Variants in BMPR1B observed in about 807,000 individuals in gnomAD.
BMPR1B encodes the protein bone morphogenetic protein receptor type 1B, also known as bone morphogenetic protein receptor type-1B.
A neutral mutation model predicts 59.1 loss-of-function variants in BMPR1B; 12 were observed. The ratio of observed to expected loss-of-function variants is 0.20; its 90% confidence interval spans 0.13 to 0.33. The LOEUF (loss-of-function observed/expected upper bound fraction) is 0.33, where lower values mean the gene tolerates loss of function less well. Ranked by LOEUF, BMPR1B falls within the 10% of genes least tolerant of loss-of-function variation. The pLI is 1.00. For synonymous variants in BMPR1B, 237 were observed against 207.3 expected, an observed-to-expected ratio of 1.14 and a Z score of -1.23; for missense variants, 550 against 610.9, an observed-to-expected ratio of 0.90 and a Z score of 1.05.
rs1560602784 is a variant in BMPR1B at position 95,026,097 on chromosome 4, C to CCTTTCTTTCTTTCTTT, written c.-18+29963_-18+29964insCTTTCTTTCTTTCTTT. ...CTTGGCTGGCTGGATTGCTTTCTTT[C>CCTTTCTTTCTTTCTTT]ATTTCTTTCTTTCTTTCTTTCTTTC... On this transcript the variant is annotated intron_variant, in intron 3 of 12. Coordinates refer to ENST00000515059, the MANE Select transcript of BMPR1B (RefSeq NM_001203.3). Among the ~76,000 whole-genome samples the CCTTTCTTTCTTTCTTT allele has an allele frequency of 3.2e-3, 77 of 23,912 alleles. 1 individual carries two copies. The East Asian group carries it at 0.067, about 21-fold the overall frequency. The allele number at this position is 23,912 out of a possible 152,430, so 15.7% of individuals were successfully genotyped here.
chr4:95,018,734 C>T (rs1431743276), intron 3 of BMPR1B, among the ~76,000 whole-genome samples: 1 of 152,066 alleles, frequency 6.6e-6, no homozygotes, highest in African/African-American at 2.4e-5. Context: ...TCAAAACTGA[C>T]AAACAAACCA....
chr4:95,127,268 T>G (rs1579123336), intron 8 of BMPR1B, among the ~76,000 whole-genome samples: 2 of 152,162 alleles, frequency 1.3e-5, no homozygotes, highest in South Asian at 4.2e-4. Context: ...AATTAAAGTT[T>G]AGGTACAGAA....
In BMPR1B at chr4:95,037,581, A is replaced by G. The variant is rs374381963; in HGVS notation, c.-18+41447A>G. 5.3e-5 allele frequency among the ~76,000 whole-genome samples: 8 copies of G among 152,306 alleles called. No individual in the cohort carries two copies. The East Asian group carries it at 1.4e-3, about 26-fold the overall frequency. ...CTTTTAAATGAGTGAGGCTCTCAAG[A>G]AGGGAAGTACTCTTAAGAAAGGAAG... On this transcript the variant is annotated intron_variant, in intron 3 of 12. Transcript: ENST00000515059.
intron 3 of BMPR1B, among the ~76,000 whole-genome samples, chr4:95,063,193 T>A (rs1412314966): frequency 1.3e-5 from 2 of 152,158 alleles, no homozygotes; most frequent in African/African-American, 2.4e-5. Flanking sequence ...CAATAGCTAT[T>A]AATAAACTAA....
At chr4:95,064,901 G>A (rs1242833014) in intron 3 of BMPR1B, among the ~76,000 whole-genome samples, 1 of 152,064 alleles carries the variant, frequency 6.6e-6, no homozygotes. Flanking sequence ...TGGAGAAATT[G>A]GAATCCTCAT....
At chr4:94,965,718 A>G in intron 2 of BMPR1B, among the ~76,000 whole-genome samples, 1 of 152,198 alleles carries the variant, frequency 6.6e-6, no homozygotes, top group African/African-American at 2.4e-5. Flanking sequence ...TTCCTGGTGA[A>G]TGTGTTTCAA....
chr4:94,953,059 T>C (rs1019099493), intron 2 of BMPR1B, among the ~76,000 whole-genome samples: 2 of 152,222 alleles, frequency 1.3e-5, no homozygotes, highest in Admixed American at 6.5e-5. Flanking sequence ...AAAGTCTGTT[T>C]TATCAGAGAC....
chr4:95,084,584 A>G (rs372316205), intron 3 of BMPR1B, among the ~76,000 whole-genome samples: 4 of 152,110 alleles, frequency 2.6e-5, no homozygotes, highest in Admixed American at 2.0e-4. Context: ...AGTAGCCACT[A>G]CTTTGTGTGC....
chr4:94,953,769 G>A (rs1463493284), intron 2 of BMPR1B, among the ~76,000 whole-genome samples: 1 of 152,110 alleles, frequency 6.6e-6, no homozygotes, highest in Non-Finnish European at 1.5e-5. Context: ...TCTCTGTGGT[G>A]TTCTCTGTAT....
At chr4:94,799,395 C>T (rs566748487) in intron 1 of BMPR1B, among the ~76,000 whole-genome samples, 1 of 151,506 alleles carries the variant, frequency 6.6e-6, no homozygotes, top group Admixed American at 6.6e-5. Context: ...CCTCCGCCTC[C>T]CGGGTTCAAG....
At chr4:95,055,462 C>A (rs1317575135) in intron 3 of BMPR1B, among the ~76,000 whole-genome samples, 1 of 152,096 alleles carries the variant, frequency 6.6e-6, no homozygotes, top group Non-Finnish European at 1.5e-5. Flanking sequence ...TACTGAAAAT[C>A]TGAACTGTTA....
At chr4:94,759,463 G>A (rs1053523731) in intron 1 of BMPR1B, among the ~76,000 whole-genome samples, 36 of 152,338 alleles carry the variant, frequency 2.4e-4, no homozygotes, top group African/African-American at 8.4e-4. Context: ...GAAATCTCTT[G>A]CTGTGCTAAA....
At chr4:94,845,957 G>A (rs1260510067) in intron 1 of BMPR1B, among the ~76,000 whole-genome samples, 1 of 152,136 alleles carries the variant, frequency 6.6e-6, no homozygotes, top group African/African-American at 2.4e-5. Context: ...ACCTCATCAA[G>A]TATATTAAAA....
intron 2 of BMPR1B, among the ~76,000 whole-genome samples, chr4:94,876,354 C>A (rs72887869): frequency 0.027 from 4,103 of 152,208 alleles, 181 homozygotes; most frequent in African/African-American, 0.093. Flanking sequence ...TTTTAGAGGG[C>A]AAATGTGAAA....
intron 1 of BMPR1B, among the ~76,000 whole-genome samples, chr4:94,778,352 G>C (rs1722462210): frequency 6.6e-6 from 1 of 152,092 alleles, no homozygotes; most frequent in South Asian, 2.1e-4. Flanking sequence ...GTAGTGTCCT[G>C]TGTTTTACTT....
intron 2 of BMPR1B, among the ~76,000 whole-genome samples, chr4:94,959,181 A>AT (rs1738014531): frequency 6.6e-6 from 1 of 152,088 alleles, no homozygotes; most frequent in Non-Finnish European, 1.5e-5. Context: ...GAATTTTGGG[A>AT]TTTTTAGTCT....
chr4:94,954,579 G>A (rs116780201), intron 2 of BMPR1B, among the ~76,000 whole-genome samples: 4,427 of 152,290 alleles, frequency 0.029, 206 homozygotes, highest in African/African-American at 0.1. Context: ...GACTAGTTAA[G>A]CATAATGATA....
intron 2 of BMPR1B, among the ~76,000 whole-genome samples, chr4:94,962,080 C>T (rs1208526717): frequency 7.9e-5 from 6 of 76,326 alleles, no homozygotes; most frequent in East Asian, 2.3e-4. Flanking sequence ...TCTTTCCTTC[C>T]TTCCTTCCTT....
intron 1 of BMPR1B, among the ~76,000 whole-genome samples, chr4:94,775,657 A>G (rs1323901401): frequency 6.6e-6 from 1 of 152,232 alleles, no homozygotes; most frequent in Non-Finnish European, 1.5e-5. Context: ...ATATTAAGCA[A>G]GTGTTTAGTT....
Sources: allele counts gnomAD v4.1 joint callset (sites outside exome capture counted in the v4.1 genomes callset), GRCh38; gene constraint gnomAD v4.1.1; transcripts MANE v1.5; gene names NCBI Gene and HGNC (gene_info 2026-07-23, HGNC 2026-07-21).